The following GLIS3 variants were observed in gnomAD, a reference collection of about 807,000 sequenced individuals.
The protein encoded by GLIS3 is GLIS family zinc finger 3.
In GLIS3, 53 loss-of-function variants were observed where a neutral mutation model predicts 78.6. That is an observed-to-expected ratio of 0.67 (90% CI 0.54 to 0.85). GLIS3 has a LOEUF of 0.85. GLIS3 is among the 40% of genes least tolerant of loss of function. GLIS3 has a pLI of 0.00. For missense variants in GLIS3, 1,703 were observed against 1,231.1 expected (o/e 1.38, Z -5.74); for synonymous variants, 684 against 509.9 (o/e 1.34, Z -4.60).
chr9:4,244,580 T>G (rs1447121826), intron 2 of GLIS3, among the ~76,000 whole-genome samples: 1 of 152,140 alleles, frequency 6.6e-6, no homozygotes, highest in Non-Finnish European at 1.5e-5. Flanking sequence ...AGGAATTTTT[T>G]TTCTTTTTTT....
chr9:4,003,832 T>C (rs1185931983), intron 4 of GLIS3, among the ~76,000 whole-genome samples: 1 of 152,244 alleles, frequency 6.6e-6, no homozygotes, highest in African/African-American at 2.4e-5. Flanking sequence ...CTTTCTAAAA[T>C]TCTTTCTTTG....
chr9:3,864,740 G>C (rs967721892), intron 8 of GLIS3, among the ~76,000 whole-genome samples: 3 of 152,078 alleles, frequency 2.0e-5, no homozygotes, highest in Non-Finnish European at 4.4e-5. Flanking sequence ...CATTTGACTA[G>C]AGAAATGAAT....
chr9:4,366,260 C>T, the GLIS3 span, among the ~76,000 whole-genome samples: 2 of 152,218 alleles, frequency 1.3e-5, no homozygotes, highest in Non-Finnish European at 2.9e-5. Flanking sequence ...TTACTTTGAT[C>T]ATATACCCAG....
At chr9:4,234,452 T>TACAC (rs1328588468) in intron 2 of GLIS3, among the ~76,000 whole-genome samples, 3 of 152,190 alleles carry the variant, frequency 2.0e-5, no homozygotes, top group African/African-American at 7.2e-5. Flanking sequence ...ACAGTCAGAA[T>TACAC]ACACACAACA....
Position 4,140,190 on chromosome 9 carries a change from G to A in GLIS3, c.389-14249C>T, listed in dbSNP as rs1029328047. 2.0e-5 allele frequency among the ~76,000 whole-genome samples: 3 copies of A among 152,144 alleles called. No homozygotes were observed. The South Asian group carries it at 6.2e-4, about 32-fold the overall frequency. ...AATACAAAAATTAGCCAGGCATGGT[G>A]GCGCGTGCCTATAATCCCAGCTACT... On this transcript the variant is annotated intron_variant, in intron 2 of 10. Coordinates refer to ENST00000381971, the MANE Select transcript of GLIS3 (RefSeq NM_001042413.2).
chr9:4,379,531 A>G, the GLIS3 span, among the ~76,000 whole-genome samples: 3 of 152,216 alleles, frequency 2.0e-5, no homozygotes, highest in African/African-American at 2.4e-5. Flanking sequence ...GGAAATGCTT[A>G]TAAGATGTTT....
chr9:4,395,989 G>A, the GLIS3 span, among the ~76,000 whole-genome samples: 159 of 151,824 alleles, frequency 1.0e-3, no homozygotes, highest in Non-Finnish European at 7.8e-4. Context: ...GGCTAGGATG[G>A]TGTCGATCTC....
At chr9:4,143,252 T>C (rs1833944147) in intron 2 of GLIS3, among the ~76,000 whole-genome samples, 3 of 151,976 alleles carry the variant, frequency 2.0e-5, no homozygotes, top group Admixed American at 1.3e-4. Flanking sequence ...TGTGTGTGTG[T>C]GTGTGTAGTG....
At chr9:4,331,021 G>A (rs536799907) in intron 2 of GLIS3, among the ~76,000 whole-genome samples, 2 of 152,260 alleles carry the variant, frequency 1.3e-5, no homozygotes, top group Non-Finnish European at 2.9e-5. Context: ...GAGCAAACAG[G>A]CCCATCTTGC....
intron 2 of GLIS3, among the ~76,000 whole-genome samples, chr9:4,161,086 A>C (rs1207713938): frequency 6.6e-6 from 1 of 151,226 alleles, no homozygotes; most frequent in Non-Finnish European, 1.5e-5. Flanking sequence ...TCTTAAAAAA[A>C]AAAAAAAAAG....
intron 5 of GLIS3, among the ~76,000 whole-genome samples, 182 bp downstream of exon 5, chr9:3,936,846 A>C (rs1825925291): frequency 6.6e-6 from 1 of 152,232 alleles, no homozygotes; most frequent in African/African-American, 2.4e-5. Context: ...CTGCTACAGA[A>C]AAATGAAACA....
chr9:4,048,173 A>G (rs1470925804), intron 4 of GLIS3, among the ~76,000 whole-genome samples: 1 of 152,194 alleles, frequency 6.6e-6, no homozygotes, highest in African/African-American at 2.4e-5. Flanking sequence ...AGGGGTAATG[A>G]CCTTTTAGAA....
At chr9:4,385,735 GAAAAAGAAAGAAAGAAAGAA>G in the GLIS3 span, among the ~76,000 whole-genome samples, 3 of 17,650 alleles carry the variant, frequency 1.7e-4, no homozygotes, top group Non-Finnish European at 3.6e-4. Flanking sequence ...AAGAAAGAAA[GAAAAAGAAAGAAAGAAAGAA>G]AGAAAGAAAG....
chr9:4,269,729 T>C (rs1055631251), intron 2 of GLIS3, among the ~76,000 whole-genome samples: 3 of 152,236 alleles, frequency 2.0e-5, no homozygotes, highest in Non-Finnish European at 4.4e-5. Flanking sequence ...TTTAAAATTA[T>C]TAGTATTGGT....
chr9:4,049,198 A>G (rs577939918), intron 4 of GLIS3, among the ~76,000 whole-genome samples: 1 of 152,226 alleles, frequency 6.6e-6, no homozygotes, highest in African/African-American at 2.4e-5. Context: ...GGATACAGAG[A>G]GATTTCCAGA....
At chr9:4,129,138 A>C (rs1462067635) in intron 2 of GLIS3, among the ~76,000 whole-genome samples, 8 of 152,224 alleles carry the variant, frequency 5.3e-5, no homozygotes, top group Admixed American at 5.2e-4. Flanking sequence ...CAGCCATCTA[A>C]GTGTTTTTCA....
chr9:3,961,832 C>T (rs1035243060), intron 4 of GLIS3, among the ~76,000 whole-genome samples: 1 of 152,152 alleles, frequency 6.6e-6, no homozygotes, highest in Admixed American at 6.5e-5. Context: ...AAGGGTACCA[C>T]TTAATACAAA....
chr9:4,370,250 G>T, the GLIS3 span, among the ~76,000 whole-genome samples: 22 of 151,152 alleles, frequency 1.5e-4, no homozygotes, highest in Non-Finnish European at 2.9e-4. Flanking sequence ...AAATTGTCCT[G>T]GGTTTCTGGA....
rs1196523462 is a variant in GLIS3 at position 3,824,215 on chromosome 9, A to G, written c.*4057T>C. On this transcript the variant is annotated 3_prime_UTR_variant, in exon 11 of 11. Transcript: ENST00000381971. ...CTCCCAACATGTAAAGGACTCAGGG[A>G]GACATTCATTTTTACTGCCATTTCC... 6.6e-6 allele frequency: 1 copy of G among 152,634 alleles called. No individual in the cohort carries two copies. The highest frequency in any genetic ancestry group is 1.5e-5 in the Non-Finnish European group (1 of 68,028). The allele number at this position is 152,634 out of a possible 1,614,324, so 9.5% of individuals were successfully genotyped here. A position where few individuals can be genotyped will look rare whatever the true frequency, so the allele number is the denominator to read the frequency against.
Sources: allele counts gnomAD v4.1 joint callset (sites outside exome capture counted in the v4.1 genomes callset), GRCh38; gene constraint gnomAD v4.1.1; transcripts MANE v1.5; gene names NCBI Gene and HGNC (gene_info 2026-07-23, HGNC 2026-07-21).